The following TCTN1 variants were observed in gnomAD, a reference collection of about 807,000 sequenced individuals.
TCTN1 encodes tectonic-1.
Under a neutral mutation model 65.8 loss-of-function variants are expected in TCTN1, and 58 were observed. The ratio of observed to expected loss-of-function variants is 0.88; its 90% CI spans 0.71 to 1.10. The LOEUF (loss-of-function observed/expected upper bound fraction) is 1.10. Ranked by LOEUF, TCTN1 falls within the 50% of genes least tolerant of loss-of-function variation. The pLI is 0.00. For missense variants in TCTN1, 645 were observed against 719.4 expected (o/e 0.90, Z 1.18); for synonymous variants, 273 against 289.1 (o/e 0.94, Z 0.57).
Position 110,614,196 on chromosome 12 carries a change from G to T in TCTN1, c.14G>T (p.Gly5Val). 6.4e-7 allele frequency: 1 copy of T among 1,553,488 alleles called. No homozygotes were observed. The highest frequency in any genetic ancestry group is 8.7e-7 in the Non-Finnish European group (1 of 1,149,378). ...ACTCCCTGGGAGATGAGGCCGCGAG[G>T]TCTCCCGCCGCTCCTGGTGGTGCTC... MRPR[G>V]LPPLLVVLLG... The change falls in exon 1 of 15, where the codon GGT becomes GTT. Residue 5 changes from glycine (G) to valine (V), a missense_variant. Physicochemically the swap from Gly to Val is moderately radical, Grantham distance 109. Coordinates refer to ENST00000397659, the MANE Select transcript of TCTN1 (RefSeq NM_001082538.3).
intron 13 of TCTN1, 25 bp from the exon 14 acceptor site, chr12:110,647,724 C>A (rs764201899): frequency 6.2e-7 from 1 of 1,614,140 alleles, no homozygotes; most frequent in Admixed American, 1.7e-5. Flanking sequence ...GGAGGGTGGG[C>A]CTTGCATCTC....
chr12:110,648,870 CA>C lies in TCTN1; in HGVS notation c.*2-172del. ...ATTGAGGAAAAATGTTGTCAGGTGGCAGAAAACAATGGAGCCACCTAGAAGC... is the reference window on the plus strand; with the variant it reads ...ATTGAGGAAAAATGTTGTCAGGTGGCGAAAACAATGGAGCCACCTAGAAGC... On this transcript the variant is annotated intron_variant, in intron 14 of 14. Transcript: ENST00000397659. 10 of 377,162 alleles carry C rather than the reference CA, an allele frequency of 2.7e-5. 1 individual carries two copies. Among genetic ancestry groups the C allele is most frequent in the South Asian group, 2.0e-4 (10 of 50,838 alleles). The allele number at this position is 377,162 out of a possible 1,614,324, so 23.4% of individuals were successfully genotyped here. A position where few individuals can be genotyped will look rare whatever the true frequency, so the allele number is the denominator to read the frequency against.
intron 1 of TCTN1, chr12:110,616,301 G>C (rs1276943999): frequency 2.2e-6 from 1 of 447,174 alleles, no homozygotes; most frequent in East Asian, 7.0e-5. Flanking sequence ...ACTCAGGCTG[G>C]AGTATAGTGG....
chr12:110,628,093 A>G (rs2065974253), intron 3 of TCTN1: 3 of 1,535,926 alleles, frequency 2.0e-6, no homozygotes, highest in African/African-American at 1.4e-5. Context: ...GTGTGAGAGT[A>G]GAAGTCGGAT....
intron 11 of TCTN1, among the ~76,000 whole-genome samples, chr12:110,643,107 T>TACA (rs1316889100): frequency 1.3e-5 from 2 of 151,544 alleles, no homozygotes; most frequent in East Asian, 3.9e-4. Context: ...CTCACTATGT[T>TACA]GCCCAGGCTG....
At chr12:110,629,329 A>T (rs1295577994) in intron 4 of TCTN1, 1 of 203,786 alleles carries the variant, frequency 4.9e-6, no homozygotes, top group Non-Finnish European at 9.8e-6. Context: ...ATGGGAAAAA[A>T]TTTTTGCAAT....
intron 10 of TCTN1, chr12:110,641,917 C>T (rs2066984951): frequency 2.7e-5 from 15 of 548,800 alleles, no homozygotes; most frequent in Non-Finnish European, 4.5e-5. Context: ...CAAAATATGT[C>T]AGTGTTTTAC....
chr12:110,624,435 A>G (rs2065682230), intron 2 of TCTN1, among the ~76,000 whole-genome samples: 1 of 151,974 alleles, frequency 6.6e-6, no homozygotes, highest in South Asian at 2.1e-4. Context: ...GCTGGTCTTG[A>G]ACTCCTGGCC....
intron 1 of TCTN1, among the ~76,000 whole-genome samples, chr12:110,614,977 T>C (rs764553760): frequency 7.2e-5 from 11 of 152,198 alleles, no homozygotes; most frequent in Non-Finnish European, 1.3e-4. Context: ...ATTACACATT[T>C]AGTGGAAATA....
chr12:110,614,705 C>T (rs144944365), intron 1 of TCTN1, among the ~76,000 whole-genome samples: 1 of 152,168 alleles, frequency 6.6e-6, no homozygotes, highest in Non-Finnish European at 1.5e-5. Context: ...TTCTTGCAGC[C>T]CAAGACGAAA....
rs778210157 is a variant in TCTN1, at chr12:110,628,797, A to G, written c.503A>G (p.Glu168Gly). Reference protein sequence around the residue: ...YKPALSFINPEVPDENNFDTL... With the variant: ...YKPALSFINPGVPDENNFDTL... ...CCTGCATTATCCTTTATTAATCCAG[A>G]AGTACCTGATGAAAACAATTTTGAT... is the stretch of plus-strand genomic sequence containing the variant. The change falls in exon 4 of 15, where the codon GAA (glutamate) becomes GGA (glycine). Residue 168 changes from glutamate (E) to glycine (G), a missense_variant. Coordinates refer to ENST00000397659, the MANE Select transcript of TCTN1 (RefSeq NM_001082538.3). 11 of 1,609,264 alleles carry G rather than the reference A, an allele frequency of 6.8e-6. No homozygotes were observed. The highest frequency in any genetic ancestry group is 1.3e-5 in the African/African-American group (1 of 74,868).
chr12:110,616,411 C>T lies in TCTN1; in HGVS notation c.220+2009C>T, dbSNP rs149566598. On this transcript the variant is annotated intron_variant, in intron 1 of 14. Transcript: ENST00000397659. ...GAACTACAGGTGCTGCATGCCACCA[C>T]GCCCGGCTAATTTTTTGTAGGGACG... The T allele has an allele frequency of 2.4e-5, 7 of 285,918 alleles. No individual in the cohort carries two copies. In the East Asian group the frequency reaches 2.8e-4, roughly 11 times the overall value. The allele number at this position is 285,918 out of a possible 1,614,324, so 17.7% of individuals were successfully genotyped here.
intron 2 of TCTN1, among the ~76,000 whole-genome samples, chr12:110,624,757 T>C (rs1054014452): frequency 6.6e-6 from 1 of 152,088 alleles, no homozygotes; most frequent in African/African-American, 2.4e-5. Context: ...TATTTTTGTA[T>C]TTTTAGTAGA....
At position 110,641,081 on chromosome 12, in the gene TCTN1, T is replaced by G. The variant is rs1230802538; in HGVS notation, c.1036T>G (p.Phe346Val). The change falls in exon 9 of 15, where the codon TTC (phenylalanine) becomes GTC (valine). Residue 346 changes from phenylalanine (F) to valine (V), a missense_variant. Phe to Val is a conservative substitution (Grantham distance 50). Transcript: ENST00000397659. Reference protein sequence around the residue: ...AGEVTKADLSFVLGTVSSVVV... With the variant: ...AGEVTKADLSVVLGTVSSVVV... ...TGAAGTCACCAAAGCTGATCTCTCA[T>G]TCGTTCTGGGGACAGTTAGCAGCGT... The G allele has an allele frequency of 6.2e-7, 1 of 1,614,244 alleles. No homozygotes were observed. The highest frequency in any genetic ancestry group is 1.3e-5 in the African/African-American group (1 of 75,060).
chr12:110,637,263 A>G (rs1011513654), intron 7 of TCTN1, among the ~76,000 whole-genome samples: 11 of 152,194 alleles, frequency 7.2e-5, no homozygotes, highest in African/African-American at 2.7e-4. Flanking sequence ...GGCATGACAC[A>G]AGGCCAAGTG....
At chr12:110,627,316 C>CA (rs1428131780) in intron 3 of TCTN1, among the ~76,000 whole-genome samples, 1 of 152,000 alleles carries the variant, frequency 6.6e-6, no homozygotes, top group Non-Finnish European at 1.5e-5. Flanking sequence ...AGGCTGGTCT[C>CA]AAACTCCTGA....
intron 11 of TCTN1, chr12:110,643,501 C>T (rs1486486137): frequency 6.6e-6 from 1 of 152,100 alleles, no homozygotes; most frequent in Non-Finnish European, 1.5e-5. Context: ...TTGAAATAAC[C>T]TGCATATAAT....
intron 2 of TCTN1, among the ~76,000 whole-genome samples, chr12:110,624,997 TACCATA>T (rs2065733949): frequency 6.6e-6 from 1 of 152,232 alleles, no homozygotes; most frequent in Non-Finnish European, 1.5e-5. Context: ...CCTGGCCCTG[TACCATA>T]ACTTCTAAGC....
chr12:110,615,163 C>T (rs1392539768), intron 1 of TCTN1, among the ~76,000 whole-genome samples: 1 of 152,010 alleles, frequency 6.6e-6, no homozygotes, highest in Non-Finnish European at 1.5e-5. Context: ...TGGTGTAATC[C>T]TAGCTACTCG....
Sources: gnomAD v4.1 joint callset for allele counts (sites outside exome capture counted in the v4.1 genomes callset) on GRCh38, gnomAD v4.1.1 for gene constraint, MANE v1.5 for transcripts, NCBI Gene and HGNC (gene_info 2026-07-23, HGNC 2026-07-21) for gene names.